Variants in EPB41L1 observed in about 807,000 individuals in gnomAD.
EPB41L1 encodes the protein erythrocyte membrane protein band 4.1 like 1, also known as band 4.1-like protein 1.
A neutral mutation model predicts 97.8 loss-of-function variants in EPB41L1; 29 were observed. That is an observed-to-expected ratio of 0.30 (90% CI 0.22 to 0.40). EPB41L1 has a LOEUF of 0.40. Among genes scored for constraint, EPB41L1 ranks in the 10% least tolerant of loss-of-function variants. The pLI is 1.00. For synonymous variants in EPB41L1, 383 were observed against 459.2 expected (o/e 0.83, Z 2.12); for missense variants, 812 against 1,162.3 (o/e 0.70, Z 4.38).
At chr20:36,176,976 TG>T (rs915476712) in intron 3 of EPB41L1, among the ~76,000 whole-genome samples, 1 of 152,212 alleles carries the variant, frequency 6.6e-6, no homozygotes, top group African/African-American at 2.4e-5. Context: ...TCCCTGCTCC[TG>T]GGACAAAGGA....
chr20:36,195,495 C>A lies in EPB41L1; in HGVS notation c.1485+131C>A. On this transcript the variant is annotated intron_variant, in intron 13 of 21. Coordinates refer to ENST00000338074, the MANE Select transcript of EPB41L1 (RefSeq NM_012156.2). This position sits in a 1 kb window ranked among gnomAD's most constrained non-coding sequence, Gnocchi z 4.6. ...CTTCAACTTCATCTCTGCTCCCCAGCCATCCCCCTCTGCAGCCGTCCTTGC... is the reference window on the plus strand; with the variant it reads ...CTTCAACTTCATCTCTGCTCCCCAGACATCCCCCTCTGCAGCCGTCCTTGC... The A allele has an allele frequency of 1.9e-6, 2 of 1,075,560 alleles. No individual in the cohort carries two copies. Among genetic ancestry groups the A allele is most frequent in the South Asian group, 1.3e-5 (1 of 76,426 alleles). The allele number at this position is 1,075,560 out of a possible 1,614,324, so 66.6% of individuals were successfully genotyped here.
chr20:36,150,062 G>GTTT (rs1434368845), upstream of EPB41L1, among the ~76,000 whole-genome samples: 14 of 150,252 alleles, frequency 9.3e-5, no homozygotes, highest in African/African-American at 3.4e-4. Flanking sequence ...CATTCATAAG[G>GTTT]TTTTTTTGTT....
chr20:36,131,468 A>G (rs893987717), intron 2 of EPB41L1, among the ~76,000 whole-genome samples: 1 of 151,828 alleles, frequency 6.6e-6, no homozygotes, highest in African/African-American at 2.4e-5. Flanking sequence ...GACTGCTCCC[A>G]ACTGTCCTCT....
chr20:36,218,931 C>T lies in EPB41L1; in HGVS notation c.2324C>T (p.Thr775Met), dbSNP rs766713045. Residue 775 changes from threonine (T) to methionine (M), a missense_variant, in exon 18 of 22, where the codon ACG becomes ATG. Around this residue, in one of 3 missense-constraint regions of EPB41L1, gnomAD observed 498 missense variants for 622.7 expected, o/e 0.80. Transcript: ENST00000338074. Reference sequence around the variant, plus strand: ...GCTGCCATGATCCCAGGCCCACAGACGGTGGCCACGGAAATCCGTTCTCTT... The same window carrying T: ...GCTGCCATGATCCCAGGCCCACAGATGGTGGCCACGGAAATCCGTTCTCTT... Reference protein sequence around the residue: ...GAAAMIPGPQTVATEIRSLSP... With the variant: ...GAAAMIPGPQMVATEIRSLSP... 13 of 1,614,092 alleles carry T rather than the reference C, an allele frequency of 8.1e-6. No homozygotes were observed. The highest frequency in any genetic ancestry group is 4.5e-5 in the East Asian group (2 of 44,896).
chr20:36,093,331 G>T lies in EPB41L1; in HGVS notation c.-65+1719G>T, dbSNP rs2057719052. Among the ~76,000 whole-genome samples the T allele has an allele frequency of 6.6e-6, 1 of 151,960 alleles. No individual in the cohort carries two copies. Among genetic ancestry groups the T allele is most frequent in the Admixed American group, 6.5e-5 (1 of 15,270 alleles). ...GCCTGTGGCGGGTGTGGGTGTGTGT[G>T]TGCGCGCGCGTCGCTGTGTGCGCGC... On this transcript the variant is annotated intron_variant, in intron 1 of 19. Coordinates refer to the EPB41L1 transcript ENST00000202028. The surrounding 1 kb of genome is among the most constrained non-coding windows in gnomAD (Gnocchi z 5.4).
At chr20:36,223,666 C>T (rs1285142573) in intron 21 of EPB41L1, among the ~76,000 whole-genome samples, 1 of 152,050 alleles carries the variant, frequency 6.6e-6, no homozygotes, top group Non-Finnish European at 1.5e-5. Flanking sequence ...TCAGAATATT[C>T]CTGATTTTCT....
intron 21 of EPB41L1, among the ~76,000 whole-genome samples, chr20:36,224,854 C>T (rs1236238575): frequency 6.6e-6 from 1 of 151,920 alleles, no homozygotes; most frequent in Non-Finnish European, 1.5e-5. Context: ...CGGAGTCTCA[C>T]TCTGTCACCC....
At chr20:36,126,070 T>G (rs1024246391) in intron 2 of EPB41L1, among the ~76,000 whole-genome samples, 4 of 152,166 alleles carry the variant, frequency 2.6e-5, no homozygotes, top group African/African-American at 9.7e-5. Context: ...TGGGTTTTGA[T>G]GCCTGTAGTT....
At chr20:36,134,852 C>CTTTTTTTTT (rs764236552) in intron 2 of EPB41L1, among the ~76,000 whole-genome samples, 2 of 107,630 alleles carry the variant, frequency 1.9e-5, no homozygotes, top group African/African-American at 3.6e-5. Flanking sequence ...TTTTCTCTGT[C>CTTTTTTTTT]TTTTTTTTTT....
At chr20:36,106,322 C>T (rs1182006827) in intron 1 of EPB41L1, among the ~76,000 whole-genome samples, 1 of 152,202 alleles carries the variant, frequency 6.6e-6, no homozygotes, top group African/African-American at 2.4e-5. Flanking sequence ...ATTTGGGCAC[C>T]CTGAGAATAG....
chr20:36,139,446 A>G (rs991334217), intron 2 of EPB41L1, among the ~76,000 whole-genome samples: 4 of 152,228 alleles, frequency 2.6e-5, no homozygotes, highest in Non-Finnish European at 5.9e-5. Flanking sequence ...TTTGTTATGC[A>G]AAATTTCAAA....
At chr20:36,199,193 C>A (rs1437289059) in intron 14 of EPB41L1, among the ~76,000 whole-genome samples, 1 of 151,614 alleles carries the variant, frequency 6.6e-6, no homozygotes, top group African/African-American at 2.4e-5. Context: ...TTGAAAGGGC[C>A]CTGGGAACCT....
At chr20:36,102,196 A>G (rs1201827436) in intron 1 of EPB41L1, among the ~76,000 whole-genome samples, 4 of 152,112 alleles carry the variant, frequency 2.6e-5, no homozygotes, top group Admixed American at 1.3e-4. Context: ...ATTGGGACAC[A>G]GATGGTTCTC....
intron 21 of EPB41L1, 100 bp from the exon 22 acceptor site, chr20:36,229,232 T>C: frequency 9.8e-7 from 1 of 1,022,720 alleles, no homozygotes; most frequent in East Asian, 2.6e-5. Flanking sequence ...TTGCCATGTA[T>C]TTTAAAACAA....
At chr20:36,166,991 G>T (rs183400050) in intron 1 of EPB41L1, among the ~76,000 whole-genome samples, 1 of 152,322 alleles carries the variant, frequency 6.6e-6, no homozygotes, top group East Asian at 1.9e-4. Context: ...CATTGTGAAT[G>T]TAATTAATGC....
chr20:36,187,791 G>A, intron 8 of EPB41L1, 28 bp downstream of exon 8: 1 of 1,602,592 alleles, frequency 6.2e-7, no homozygotes, highest in Non-Finnish European at 8.5e-7. Flanking sequence ...GGTTCCCCTA[G>A]TGTCTGGGTG....
In EPB41L1 at chr20:36,205,923, C is replaced by T; in HGVS notation, c.1669-3565C>T. Reference sequence around the variant, plus strand: ...AGCTCGGTCTCCTAAAAGTGACCACCATGCAGCAGGAAGAAAGGCAGGCAG... The same window carrying T: ...AGCTCGGTCTCCTAAAAGTGACCACTATGCAGCAGGAAGAAAGGCAGGCAG... On this transcript the variant is annotated intron_variant, in intron 14 of 21. Transcript: ENST00000338074. 3 of 1,289,844 alleles carry T rather than the reference C, an allele frequency of 2.3e-6. No homozygotes were observed. The South Asian group carries it at 3.7e-5, about 16-fold the overall frequency. 79.9% of individuals were successfully genotyped at this position (1,289,844 alleles called of 1,614,324 possible). A position where few individuals can be genotyped will look rare whatever the true frequency, so the allele number is the denominator to read the frequency against.
Position 36,230,231 on chromosome 20 carries a change from T to C in EPB41L1, c.*891T>C, listed in dbSNP as rs1292355843. The stretch of plus-strand genomic sequence containing the variant: ...ACATTGTATGCTTATGGTTTCTCAT[T>C]ATGAAGGTGCAGCTTGTAGGAGGTT... On this transcript the variant is annotated 3_prime_UTR_variant, in exon 22 of 22. Coordinates refer to ENST00000338074, the MANE Select transcript of EPB41L1 (RefSeq NM_012156.2). 6.6e-6 allele frequency: 1 copy of C among 152,628 alleles called. No individual in the cohort carries two copies. Among genetic ancestry groups the C allele is most frequent in the Non-Finnish European group, 1.5e-5 (1 of 68,036 alleles). The allele number at this position is 152,628 out of a possible 1,614,324, so 9.5% of individuals were successfully genotyped here. A position where few individuals can be genotyped will look rare whatever the true frequency, so the allele number is the denominator to read the frequency against.
rs116458033 is a variant in EPB41L1, at chr20:36,125,368, T to G, written c.-10+12888T>G. On this transcript the variant is annotated intron_variant, in intron 2 of 19. Transcript: ENST00000202028. ...TGAGCCCCTCCCCTTATCAACCGTG[T>G]GACTTCTGCTAGGTTCATTTGCATT... The G allele has an allele frequency of 2.7e-3, 1,907 of 699,488 alleles. 24 individuals are homozygous for G. In the African/African-American group the frequency reaches 0.03, roughly 11 times the overall value. 43.3% of individuals were successfully genotyped at this position (699,488 alleles called of 1,614,324 possible).
Sources: allele counts gnomAD v4.1 joint callset (sites outside exome capture counted in the v4.1 genomes callset), GRCh38; gene constraint gnomAD v4.1.1; regional missense constraint gnomAD v4.1.1; non-coding constraint Gnocchi (gnomAD v3.1); transcripts MANE v1.5; gene names NCBI Gene and HGNC (gene_info 2026-07-23, HGNC 2026-07-21).